The following ROBO2 variants were observed in gnomAD, a reference collection of about 807,000 sequenced individuals.
ROBO2 encodes the protein roundabout guidance receptor 2.
ROBO2 carries 53 observed loss-of-function variants against 160.8 expected under a neutral mutation model. The observed-to-expected ratio is 0.33, with a 90% CI of 0.26 to 0.41. The LOEUF is 0.41. ROBO2 is among the 10% of genes least tolerant of loss of function. The pLI is 1.00. For missense variants in ROBO2, 1,577 were observed against 1,722.4 expected (o/e 0.92, Z 1.49); for synonymous variants, 664 against 611.7 (o/e 1.09, Z -1.26).
intron 2 of ROBO2, among the ~76,000 whole-genome samples, chr3:76,206,750 C>T (rs1278499973): frequency 6.6e-6 from 1 of 152,140 alleles, no homozygotes; most frequent in Non-Finnish European, 1.5e-5. Context: ...CTGACCCTCA[C>T]CTTTATCCTT....
At chr3:77,263,958 GAATT>G (rs141825806) in intron 2 of ROBO2, among the ~76,000 whole-genome samples, 11,964 of 152,026 alleles carry the variant, frequency 0.079, 1,318 homozygotes, top group African/African-American at 0.25. Context: ...AGAATTTAAT[GAATT>G]AATTATTTAG....
chr3:76,996,706 G>A (rs528209520), intron 2 of ROBO2, among the ~76,000 whole-genome samples: 22 of 152,160 alleles, frequency 1.4e-4, no homozygotes, highest in Middle Eastern at 3.4e-3. Context: ...TTACCAAGTC[G>A]AGTACATTCT....
intron 2 of ROBO2, among the ~76,000 whole-genome samples, chr3:77,252,369 G>A (rs968526496): frequency 2.0e-5 from 3 of 152,014 alleles, no homozygotes; most frequent in South Asian, 2.1e-4. Flanking sequence ...CTTCTTATGA[G>A]AAGAGACCAC....
At chr3:76,298,011 C>CG (rs1709167826) in intron 2 of ROBO2, among the ~76,000 whole-genome samples, 1 of 152,074 alleles carries the variant, frequency 6.6e-6, no homozygotes, top group South Asian at 2.1e-4. Context: ...TGGATGCCAT[C>CG]GGGAGCTGGA....
chr3:76,445,647 A>T (rs575409806), intron 2 of ROBO2, among the ~76,000 whole-genome samples: 1 of 152,200 alleles, frequency 6.6e-6, no homozygotes, highest in South Asian at 2.1e-4. Context: ...TCAATAAAAT[A>T]CTGGCAAACC....
chr3:75,946,237 C>A (rs1948286395), intron 2 of ROBO2, among the ~76,000 whole-genome samples: 1 of 151,850 alleles, frequency 6.6e-6, no homozygotes, highest in East Asian at 1.9e-4. Context: ...TAGGAAGCAT[C>A]AAGGGACGTG....
At chr3:77,055,613 C>T (rs1410772843) in intron 1 of ROBO2, among the ~76,000 whole-genome samples, 3 of 152,128 alleles carry the variant, frequency 2.0e-5, no homozygotes, top group Non-Finnish European at 2.9e-5. Flanking sequence ...TTGGAAGACT[C>T]ATTTACGCAT....
chr3:77,067,058 A>G, intron 1 of ROBO2, among the ~76,000 whole-genome samples: 1 of 150,042 alleles, frequency 6.7e-6, no homozygotes, highest in Non-Finnish European at 1.5e-5. Context: ...ACACACACAC[A>G]CTGCAAAACA....
intron 2 of ROBO2, among the ~76,000 whole-genome samples, chr3:76,627,324 A>G (rs541690274): frequency 2.0e-3 from 312 of 152,302 alleles, no homozygotes; most frequent in African/African-American, 5.7e-3. Context: ...TTTGTAGTTC[A>G]CCTCAAAGAG....
intron 2 of ROBO2, among the ~76,000 whole-genome samples, chr3:77,115,256 TAGAGA>T (rs1356852712): frequency 6.6e-6 from 1 of 152,180 alleles, no homozygotes. Context: ...TAAAGTAATT[TAGAGA>T]AATTTCAGAA....
chr3:77,573,911 A>T (rs970435322), intron 13 of ROBO2, among the ~76,000 whole-genome samples: 8 of 151,302 alleles, frequency 5.3e-5, no homozygotes, highest in African/African-American at 1.9e-4. Context: ...CCTACCTTCT[A>T]CCTGGACTCC....
chr3:77,642,921 A>G (rs941202865), intron 24 of ROBO2: 10 of 456,458 alleles, frequency 2.2e-5, no homozygotes, highest in Non-Finnish European at 4.4e-5. Context: ...GGAAAGCCCC[A>G]CACAAACAAG....
At chr3:77,007,230 T>C (rs1408412516) in intron 2 of ROBO2, among the ~76,000 whole-genome samples, 1 of 152,162 alleles carries the variant, frequency 6.6e-6, no homozygotes, top group East Asian at 1.9e-4. Context: ...ACTGTTCATA[T>C]TTTATGTAAT....
chr3:77,220,551 C>G (rs190633266), intron 2 of ROBO2, among the ~76,000 whole-genome samples: 220 of 151,646 alleles, frequency 1.5e-3, no homozygotes, highest in Non-Finnish European at 2.4e-3. Flanking sequence ...TAATATAGTT[C>G]AATTAGATTC....
intron 2 of ROBO2, among the ~76,000 whole-genome samples, chr3:76,678,581 G>T (rs1330951784): frequency 6.6e-6 from 1 of 152,078 alleles, no homozygotes; most frequent in African/African-American, 2.4e-5. Flanking sequence ...TTTATTTATA[G>T]GATCTATGAT....
intron 2 of ROBO2, among the ~76,000 whole-genome samples, chr3:77,109,861 A>T (rs900037576): frequency 1.3e-5 from 2 of 152,210 alleles, no homozygotes; most frequent in Non-Finnish European, 2.9e-5. Context: ...TTTGACACTT[A>T]AAAGAGTCAT....
At chr3:77,446,614 C>T (rs2080548443) in intron 2 of ROBO2, among the ~76,000 whole-genome samples, 1 of 152,000 alleles carries the variant, frequency 6.6e-6, no homozygotes, top group Non-Finnish European at 1.5e-5. Flanking sequence ...CTGTATTTTT[C>T]TTATAGTGCT....
At chr3:76,253,716 A>G (rs1420265237) in intron 2 of ROBO2, among the ~76,000 whole-genome samples, 1 of 151,734 alleles carries the variant, frequency 6.6e-6, no homozygotes, top group East Asian at 1.9e-4. Flanking sequence ...ATTAGCATAT[A>G]TAAGCATCAC....
intron 2 of ROBO2, among the ~76,000 whole-genome samples, chr3:76,936,179 A>G (rs1204122511): frequency 6.6e-6 from 1 of 152,046 alleles, no homozygotes; most frequent in East Asian, 1.9e-4. Flanking sequence ...TAGACATGAA[A>G]AACATTAAGT....
Sources: allele counts gnomAD v4.1 joint callset (sites outside exome capture counted in the v4.1 genomes callset), GRCh38; gene constraint gnomAD v4.1.1; transcripts MANE v1.5; gene names NCBI Gene and HGNC (gene_info 2026-07-23, HGNC 2026-07-21).